The following MRPS25 variants were observed in gnomAD, a reference collection of about 807,000 sequenced individuals.
MRPS25 encodes the protein small ribosomal subunit protein mS25.
In MRPS25, 15 loss-of-function variants were observed where a neutral mutation model predicts 17.3. That is an observed-to-expected ratio of 0.87 (90% CI 0.58 to 1.34). The LOEUF (loss-of-function observed/expected upper bound fraction) is 1.34. Among genes scored for constraint, MRPS25 ranks in the 40% most tolerant of loss-of-function variants. The pLI is 0.00. For synonymous variants in MRPS25, 94 were observed against 83.3 expected (o/e 1.13, Z -0.70); for missense variants, 225 against 218.6 (o/e 1.03, Z -0.19).
Position 15,061,578 on chromosome 3 carries a change from C to G in MRPS25, c.135-2103G>C, listed in dbSNP as rs563770674. Among the ~76,000 whole-genome samples, 18 of 152,334 alleles carry G rather than the reference C, an allele frequency of 1.2e-4. No homozygotes were observed. In the South Asian group the frequency reaches 3.7e-3, roughly 32 times the overall value. ...TCTCGGCTCGCTATAGCCTCCACCTCCCAGCCGCCTGCCTTGGCCTCCCAA... is the reference window on the plus strand; with the variant it reads ...TCTCGGCTCGCTATAGCCTCCACCTGCCAGCCGCCTGCCTTGGCCTCCCAA... On this transcript the variant is annotated intron_variant, in intron 1 of 3. Coordinates refer to ENST00000253686, the MANE Select transcript of MRPS25 (RefSeq NM_022497.5).
downstream of MRPS25, chr3:15,043,302 A>C (rs1470896486): frequency 4.6e-6 from 1 of 216,032 alleles, no homozygotes; most frequent in Admixed American, 5.5e-5. Flanking sequence ...AAAAGGTTTT[A>C]TAATGTCAGA....
rs1559327050 is a variant in MRPS25 at position 15,053,382 on chromosome 3, A to T, written c.327T>A (p.Asn109Lys). 1.2e-6 allele frequency: 2 copies of T among 1,614,188 alleles called. No individual in the cohort carries two copies. Among genetic ancestry groups the T allele is most frequent in the East Asian group, 2.2e-5 (1 of 44,888 alleles). Reference protein sequence around the residue: ...MEHIRKILGKNEETLREEEEE... With the variant: ...MEHIRKILGKKEETLREEEEE... ...CCAGGTCAAACCAAACAACTCACTC[A>T]TTCTTCCCCAAGATTTTTCTGATGT... The change falls in exon 3 of 4, where the codon AAT becomes AAA. Residue 109 changes from asparagine (N) to lysine (K), a missense_variant and splice_region_variant. By Grantham distance (94) the Asn-to-Lys change is moderately conservative. Coordinates refer to ENST00000253686, the MANE Select transcript of MRPS25 (RefSeq NM_022497.5).
At chr3:15,059,586 A>AC in intron 1 of MRPS25, 111 bp from the exon 2 acceptor site, 1 of 772,652 alleles carries the variant, frequency 1.3e-6, no homozygotes, top group Non-Finnish European at 2.2e-6. Context: ...TTCTCAGAGG[A>AC]CCCAAAAAGG....
At chr3:15,044,980 G>A (rs1427332199), downstream of MRPS25, 1 of 152,182 alleles carries the variant, frequency 6.6e-6, no homozygotes, top group East Asian at 1.9e-4. Context: ...AGTGGGAGTG[G>A]CCATTATAAA....
downstream of MRPS25, chr3:15,045,394 G>C (rs2125114695): frequency 6.5e-6 from 1 of 152,824 alleles, no homozygotes. Context: ...GGGCTGTGGT[G>C]AAACAACCTT....
At position 15,049,698 on chromosome 3, in the gene MRPS25, G is replaced by A; in HGVS notation, c.*2743C>T. Reference sequence around the variant, plus strand: ...TCAGAAGTTAGAACATATTCATTATGTCATCTGACCTCTCATGTTCCAGGT... The same window carrying A: ...TCAGAAGTTAGAACATATTCATTATATCATCTGACCTCTCATGTTCCAGGT... On this transcript the variant is annotated 3_prime_UTR_variant, in exon 4 of 4. Coordinates refer to ENST00000253686, the MANE Select transcript of MRPS25 (RefSeq NM_022497.5). 1.8e-6 allele frequency: 1 copy of A among 561,572 alleles called. No individual in the cohort carries two copies. Among genetic ancestry groups the A allele is most frequent in the Non-Finnish European group, 3.1e-6 (1 of 323,492 alleles). The allele number at this position is 561,572 out of a possible 1,614,324, so 34.8% of individuals were successfully genotyped here. A position where few individuals can be genotyped will look rare whatever the true frequency, so the allele number is the denominator to read the frequency against.
intron 1 of MRPS25, among the ~76,000 whole-genome samples, chr3:15,063,880 G>A (rs886521537): frequency 6.6e-6 from 1 of 151,974 alleles, no homozygotes; most frequent in South Asian, 2.1e-4. Context: ...GGACAAAGGT[G>A]TGCACAGTTG....
intron 1 of MRPS25, among the ~76,000 whole-genome samples, chr3:15,060,515 C>CAAAAAAAA (rs35071871): frequency 2.5e-5 from 2 of 81,110 alleles, no homozygotes; most frequent in African/African-American, 5.3e-5. Flanking sequence ...GGTCCTCTCT[C>CAAAAAAAA]AAAAAAAAAA....
At chr3:15,063,068 TTAA>T (rs954724886) in intron 1 of MRPS25, among the ~76,000 whole-genome samples, 2 of 147,364 alleles carry the variant, frequency 1.4e-5, no homozygotes, top group Admixed American at 1.3e-4. Flanking sequence ...AAAAAGAAAG[TTAA>T]TAATGGCAGG....
rs573396681 is a variant in MRPS25, at chr3:15,051,249, G to A, written c.*1192C>T. ...CCCAGGCTGGAGTGCAGTAGCGCACGATCATGATTCACTGCAGCCTTGATC... is the reference window on the plus strand; with the variant it reads ...CCCAGGCTGGAGTGCAGTAGCGCACAATCATGATTCACTGCAGCCTTGATC... On this transcript the variant is annotated 3_prime_UTR_variant, in exon 4 of 4. Transcript: ENST00000253686. The A allele has an allele frequency of 9.1e-5, 83 of 908,942 alleles. No homozygotes were observed. The African/African-American group carries it at 1.1e-3, about 13-fold the overall frequency. 56.3% of individuals were successfully genotyped at this position (908,942 alleles called of 1,614,324 possible). A position where few individuals can be genotyped will look rare whatever the true frequency, so the allele number is the denominator to read the frequency against.
intron 2 of MRPS25, among the ~76,000 whole-genome samples, chr3:15,057,703 G>A (rs1435317311): frequency 6.6e-6 from 1 of 152,184 alleles, no homozygotes; most frequent in Non-Finnish European, 1.5e-5. Flanking sequence ...AAGTGTACAG[G>A]TATATAACAA....
chr3:15,059,874 AC>A (rs1367984775), intron 1 of MRPS25, among the ~76,000 whole-genome samples: 1 of 151,920 alleles, frequency 6.6e-6, no homozygotes, highest in Admixed American at 6.6e-5. Context: ...AAATAATGAG[AC>A]CAATGTATTC....
At chr3:15,047,087 A>C (rs2042483327), downstream of MRPS25, 1 of 152,654 alleles carries the variant, frequency 6.6e-6, no homozygotes, top group Non-Finnish European at 1.5e-5. Context: ...CCATATGTAC[A>C]GTGTATATAG....
At position 15,061,430 on chromosome 3, in the gene MRPS25, C is replaced by G. The variant is rs542010765; in HGVS notation, c.135-1955G>C. The stretch of plus-strand genomic sequence containing the variant: ...ACGGGGTTTCGCTGTGTTGGCCGGG[C>G]TGGTCTCCAGCTCCTAACCGCGAGT... On this transcript the variant is annotated intron_variant, in intron 1 of 3. Coordinates refer to ENST00000253686, the MANE Select transcript of MRPS25 (RefSeq NM_022497.5). Among the ~76,000 whole-genome samples the G allele has an allele frequency of 4.5e-3, 681 of 152,334 alleles. 3 individuals are homozygous for G. Among genetic ancestry groups the G allele is most frequent in the African/African-American group, 0.015 (638 of 41,588 alleles).
At position 15,049,941 on chromosome 3, in the gene MRPS25, A is replaced by G; in HGVS notation, c.*2500T>C. 6.5e-7 allele frequency: 1 copy of G among 1,530,488 alleles called. No homozygotes were observed. Among genetic ancestry groups the G allele is most frequent in the Non-Finnish European group, 8.7e-7 (1 of 1,145,434 alleles). 94.8% of individuals were successfully genotyped at this position (1,530,488 alleles called of 1,614,324 possible). On this transcript the variant is annotated 3_prime_UTR_variant, in exon 4 of 4. Coordinates refer to ENST00000253686, the MANE Select transcript of MRPS25 (RefSeq NM_022497.5). Reference sequence around the variant, plus strand: ...ATGGTGCTGCCAGGTAGTGCCTCAAAGAGAAGAAAAGTGGTCACTTCAGAA... The same window carrying G: ...ATGGTGCTGCCAGGTAGTGCCTCAAGGAGAAGAAAAGTGGTCACTTCAGAA...
chr3:15,047,524 T>C (rs951186479), downstream of MRPS25: 1 of 152,238 alleles, frequency 6.6e-6, no homozygotes, highest in East Asian at 1.9e-4. Context: ...TATTCAGCTC[T>C]GTTGAGTAGC....
At chr3:15,043,061 A>G (rs185225667), downstream of MRPS25, 2,978 of 1,517,894 alleles carry the variant, frequency 2.0e-3, 19 homozygotes, top group Non-Finnish European at 7.3e-4. Context: ...GACCGTTCAC[A>G]TACAAAGAAA....
chr3:15,060,948 G>A (rs1001967171), intron 1 of MRPS25, among the ~76,000 whole-genome samples: 5 of 152,088 alleles, frequency 3.3e-5, no homozygotes, highest in African/African-American at 4.8e-5. Context: ...AGAGGCCTTG[G>A]AGACCCTCAC....
intron 2 of MRPS25, 54 bp from the exon 3 acceptor site, chr3:15,053,521 C>G: frequency 6.2e-7 from 1 of 1,609,144 alleles, no homozygotes; most frequent in Non-Finnish European, 8.5e-7. Context: ...GCGCACTCAG[C>G]CTCAAAAAGT....
Sources: gnomAD v4.1 joint callset for allele counts (sites outside exome capture counted in the v4.1 genomes callset) on GRCh38, gnomAD v4.1.1 for gene constraint, MANE v1.5 for transcripts, NCBI Gene and HGNC (gene_info 2026-07-23, HGNC 2026-07-21) for gene names.